Variants in GPC5 observed in about 807,000 individuals in gnomAD.
The protein encoded by GPC5 is glypican-5.
In GPC5, 47 loss-of-function variants were observed where a neutral mutation model predicts 53.9. That is an observed-to-expected ratio of 0.87 (90% confidence interval 0.69 to 1.11). The LOEUF (loss-of-function observed/expected upper bound fraction) is 1.11. Ranked by LOEUF, GPC5 falls within the 50% of genes most tolerant of loss-of-function variation. The probability of loss-of-function intolerance (pLI) is 0.00; values close to 1 mark genes in which losing one functional copy is unlikely to be tolerated. For missense variants in GPC5, 748 were observed against 713.1 expected (o/e 1.05, Z -0.56); for synonymous variants, 286 against 263.3 (o/e 1.09, Z -0.84).
At chr13:92,440,654 T>C (rs1051588447) in intron 7 of GPC5, among the ~76,000 whole-genome samples, 1 of 152,182 alleles carries the variant, frequency 6.6e-6, no homozygotes, top group Non-Finnish European at 1.5e-5. Context: ...GTTCAGCTCT[T>C]GGTTATTTGA....
intron 6 of GPC5, among the ~76,000 whole-genome samples, chr13:92,119,043 T>A (rs1436948623): frequency 6.6e-6 from 1 of 152,218 alleles, no homozygotes; most frequent in Non-Finnish European, 1.5e-5. Flanking sequence ...TACTCAAGAC[T>A]GGGTAATTTA....
In GPC5 at chr13:91,571,737, ATG is replaced by A. The variant is rs1566514881; in HGVS notation, c.326-121448_326-121447del. ...AAGACTCTGTCTCAAATATATATATATGTATATATACACACATATACATGTGT... is the reference window on the plus strand; with the variant it reads ...AAGACTCTGTCTCAAATATATATATATATATATACACACATATACATGTGT... On this transcript the variant is annotated intron_variant, in intron 2 of 7. Coordinates refer to ENST00000377067, the MANE Select transcript of GPC5 (RefSeq NM_004466.6). Among the ~76,000 whole-genome samples the A allele has an allele frequency of 4.6e-4, 58 of 126,834 alleles. 1 individual carries two copies. Among genetic ancestry groups the A allele is most frequent in the African/African-American group, 1.6e-3 (47 of 29,694 alleles). The allele number at this position is 126,834 out of a possible 152,430, so 83.2% of individuals were successfully genotyped here.
intron 7 of GPC5, among the ~76,000 whole-genome samples, chr13:92,771,944 C>CT (rs954475139): frequency 3.3e-5 from 5 of 151,912 alleles, no homozygotes; most frequent in East Asian, 1.9e-4. Context: ...GGCCTTAAAT[C>CT]TTTTTTTTAA....
At chr13:92,384,659 T>C (rs1414353670) in intron 7 of GPC5, among the ~76,000 whole-genome samples, 1 of 151,582 alleles carries the variant, frequency 6.6e-6, no homozygotes, top group Non-Finnish European at 1.5e-5. Context: ...GGGAATAAGG[T>C]AGCCTCACAT....
chr13:92,575,770 G>T (rs1024716588), intron 7 of GPC5, among the ~76,000 whole-genome samples: 2 of 152,134 alleles, frequency 1.3e-5, no homozygotes, highest in Non-Finnish European at 2.9e-5. Flanking sequence ...AGTCTGCAAT[G>T]AAATTTTTAA....
chr13:91,730,113 G>A (rs2036663378), intron 4 of GPC5, among the ~76,000 whole-genome samples: 1 of 152,132 alleles, frequency 6.6e-6, no homozygotes, highest in African/African-American at 2.4e-5. Flanking sequence ...CTGCCACACG[G>A]AGTGAACAAC....
rs185306593 is a variant in GPC5 at position 92,208,666 on chromosome 13, G to A, written c.1561+63677G>A. On this transcript the variant is annotated intron_variant, in intron 7 of 7. Coordinates refer to ENST00000377067, the MANE Select transcript of GPC5 (RefSeq NM_004466.6). ...TTTAAGGCAATAAAGAAATAAAGAG[G>A]AATTTTTCATAAAGATGAAAGGGTC... 2.2e-3 allele frequency among the ~76,000 whole-genome samples: 336 copies of A among 152,236 alleles called. 5 individuals are homozygous for A. The highest frequency in any genetic ancestry group is 0.019 in the Admixed American group (290 of 15,296).
chr13:91,684,620 G>T (rs1372833483), intron 2 of GPC5, among the ~76,000 whole-genome samples: 3 of 152,142 alleles, frequency 2.0e-5, no homozygotes, highest in Non-Finnish European at 4.4e-5. Context: ...CCACAGTCCA[G>T]CCCAGCAATG....
intron 7 of GPC5, among the ~76,000 whole-genome samples, chr13:92,544,939 T>G (rs1882051191): frequency 6.6e-6 from 1 of 152,046 alleles, no homozygotes; most frequent in South Asian, 2.1e-4. Context: ...TTTATTATAC[T>G]TTAAGTTTTA....
intron 7 of GPC5, among the ~76,000 whole-genome samples, chr13:92,323,420 A>G (rs943199206): frequency 6.6e-5 from 10 of 151,126 alleles, no homozygotes; most frequent in Admixed American, 5.3e-4. Context: ...TTCGTAAAAT[A>G]TGGGGAAAAA....
chr13:91,667,238 T>C (rs2035136441), intron 2 of GPC5, among the ~76,000 whole-genome samples: 1 of 152,202 alleles, frequency 6.6e-6, no homozygotes, highest in South Asian at 2.1e-4. Flanking sequence ...GTATCACTTA[T>C]CTTGCATAAT....
In GPC5 at chr13:92,547,636, A is replaced by G. The variant is rs984419993; in HGVS notation, c.1562-318646A>G. On this transcript the variant is annotated intron_variant, in intron 7 of 7. Coordinates refer to ENST00000377067, the MANE Select transcript of GPC5 (RefSeq NM_004466.6). ...GATAGCCCCAGACAGCCAGGTTTTC[A>G]AGATCTATTCTTCTTTGAAAGCCAT... is the stretch of plus-strand genomic sequence containing the variant. Among the ~76,000 whole-genome samples the G allele has an allele frequency of 2.0e-5, 3 of 152,230 alleles. No homozygotes were observed. The East Asian group carries it at 5.8e-4, about 29-fold the overall frequency.
chr13:91,939,104 A>G (rs2039900538), intron 6 of GPC5, among the ~76,000 whole-genome samples: 2 of 152,030 alleles, frequency 1.3e-5, no homozygotes, highest in Non-Finnish European at 2.9e-5. Flanking sequence ...AGTGCTGATC[A>G]ATATATATTT....
intron 5 of GPC5, among the ~76,000 whole-genome samples, chr13:91,882,572 T>C (rs543757592): frequency 3.3e-5 from 5 of 151,742 alleles, no homozygotes; most frequent in Admixed American, 1.3e-4. Context: ...GTTAAACTTA[T>C]AGGAACAGTT....
intron 7 of GPC5, among the ~76,000 whole-genome samples, chr13:92,727,152 T>G (rs1347558992): frequency 6.6e-6 from 1 of 151,504 alleles, no homozygotes; most frequent in East Asian, 1.9e-4. Flanking sequence ...GAGCCCTGTT[T>G]TATGTCAACC....
intron 7 of GPC5, among the ~76,000 whole-genome samples, chr13:92,485,246 A>T (rs977932948): frequency 6.6e-6 from 1 of 152,192 alleles, no homozygotes; most frequent in African/African-American, 2.4e-5. Flanking sequence ...TGAATATATG[A>T]GTGATGTAAC....
intron 7 of GPC5, among the ~76,000 whole-genome samples, chr13:92,376,500 C>T (rs554096964): frequency 7.2e-5 from 11 of 152,154 alleles, no homozygotes; most frequent in Non-Finnish European, 1.5e-4. Flanking sequence ...TGCCTAGTGT[C>T]TGCATAGAGG....
At chr13:92,411,800 G>A (rs954034317) in intron 7 of GPC5, among the ~76,000 whole-genome samples, 11 of 152,050 alleles carry the variant, frequency 7.2e-5, no homozygotes, top group South Asian at 4.1e-4. Flanking sequence ...AATTATCCGC[G>A]TCAAATGTAG....
At chr13:92,251,653 GCA>G (rs2042693568) in intron 7 of GPC5, among the ~76,000 whole-genome samples, 1 of 152,090 alleles carries the variant, frequency 6.6e-6, no homozygotes, top group East Asian at 1.9e-4. Context: ...TAGTATCACA[GCA>G]CAGTGCCTAG....
Sources: allele counts gnomAD v4.1 joint callset (sites outside exome capture counted in the v4.1 genomes callset), GRCh38; gene constraint gnomAD v4.1.1; transcripts MANE v1.5; gene names NCBI Gene and HGNC (gene_info 2026-07-23, HGNC 2026-07-21).